RAP1A: variants seen among roughly 807,000 people sequenced by gnomAD.
The protein encoded by RAP1A is ras-related protein Rap-1A.
A neutral mutation model predicts 26.4 loss-of-function variants in RAP1A; 6 were observed. The ratio of observed to expected loss-of-function variants is 0.23; its 90% CI spans 0.12 to 0.45. RAP1A has a LOEUF of 0.45. Ranked by LOEUF, RAP1A falls within the 20% of genes least tolerant of loss-of-function variation. The pLI, the probability that RAP1A is intolerant of heterozygous loss-of-function variation, is 0.99. For missense variants in RAP1A, 121 were observed against 217.2 expected, an observed-to-expected ratio of 0.56 and a Z score of 2.78; for synonymous variants, 73 against 79.4, an observed-to-expected ratio of 0.92 and a Z score of 0.43.
At chr1:111,639,047 T>C (rs1229503491) in intron 1 of RAP1A, among the ~76,000 whole-genome samples, 8 of 151,682 alleles carry the variant, frequency 5.3e-5, no homozygotes, top group Admixed American at 5.3e-4. Flanking sequence ...AACATTTCTG[T>C]CAAATATGCC....
At chr1:111,701,192 CTCA>C (rs1345127903) in intron 4 of RAP1A, among the ~76,000 whole-genome samples, 1 of 152,156 alleles carries the variant, frequency 6.6e-6, no homozygotes, top group Non-Finnish European at 1.5e-5. Flanking sequence ...CACTGCTATA[CTCA>C]CCCACTAGGT....
chr1:111,627,766 G>T, intron 1 of RAP1A, among the ~76,000 whole-genome samples: 1 of 151,134 alleles, frequency 6.6e-6, no homozygotes, highest in African/African-American at 2.4e-5. Context: ...GATTAAAGTT[G>T]GAATTTCAGC....
At chr1:111,707,194 C>T (rs762523906) in intron 6 of RAP1A, among the ~76,000 whole-genome samples, 6 of 151,886 alleles carry the variant, frequency 4.0e-5, no homozygotes, top group Non-Finnish European at 7.4e-5. Flanking sequence ...AAATGAGTCA[C>T]TTTTGTAGCT....
intron 1 of RAP1A, among the ~76,000 whole-genome samples, chr1:111,555,429 G>A (rs376638518): frequency 0.014 from 1,517 of 106,328 alleles, 24 homozygotes; most frequent in African/African-American, 0.055. Context: ...AATAGTTCCA[G>A]AAAAAAAATT....
intron 1 of RAP1A, among the ~76,000 whole-genome samples, chr1:111,555,502 A>G (rs1020611562): frequency 3.3e-5 from 5 of 152,084 alleles, no homozygotes; most frequent in African/African-American, 1.2e-4. Context: ...CACCCAGAAG[A>G]ATTAGTAAAT....
intron 1 of RAP1A, among the ~76,000 whole-genome samples, chr1:111,545,437 G>GT (rs1657001045): frequency 2.0e-5 from 3 of 151,982 alleles, no homozygotes; most frequent in Admixed American, 6.6e-5. Context: ...AGAAATATCT[G>GT]TTCGAGTCCT....
Position 111,608,652 on chromosome 1 carries a change from A to C in RAP1A, c.-28+66143A>C, listed in dbSNP as rs943346439. The C allele has an allele frequency of 6.6e-5, 11 of 167,556 alleles. No homozygotes were observed. The South Asian group carries it at 1.1e-3, about 16-fold the overall frequency. The allele number at this position is 167,556 out of a possible 1,614,324, so 10.4% of individuals were successfully genotyped here. On this transcript the variant is annotated intron_variant, in intron 1 of 7. Transcript: ENST00000356415. ...ACCAGACTCCGTCTGCAATCCCCGC[A>C]CCCCGGGAGGCCGAGGCTGGCGGAT...
chr1:111,606,549 C>T (rs1658783271), intron 1 of RAP1A, among the ~76,000 whole-genome samples: 1 of 152,204 alleles, frequency 6.6e-6, no homozygotes, highest in South Asian at 2.1e-4. Flanking sequence ...AGTAGTACCA[C>T]ATCATTTCAT....
intron 1 of RAP1A, among the ~76,000 whole-genome samples, chr1:111,679,837 C>T (rs1661239274): frequency 6.6e-6 from 1 of 152,166 alleles, no homozygotes; most frequent in African/African-American, 2.4e-5. Context: ...GACTGCCTCT[C>T]TAGATTATTC....
At chr1:111,554,953 C>T (rs1657420032) in intron 1 of RAP1A, among the ~76,000 whole-genome samples, 1 of 151,762 alleles carries the variant, frequency 6.6e-6, no homozygotes, top group South Asian at 2.1e-4. Flanking sequence ...GAAAAAGTGA[C>T]CTACCGAGAC....
intron 1 of RAP1A, among the ~76,000 whole-genome samples, chr1:111,566,495 G>A (rs2101052748): frequency 6.6e-6 from 1 of 152,296 alleles, no homozygotes; most frequent in East Asian, 1.9e-4. Flanking sequence ...AAGGGATGCG[G>A]GGTGTGAGGG....
intron 1 of RAP1A, among the ~76,000 whole-genome samples, chr1:111,583,362 G>C (rs1478441532): frequency 6.6e-6 from 1 of 151,556 alleles, no homozygotes; most frequent in East Asian, 1.9e-4. Flanking sequence ...CCCAGTGGCT[G>C]GGAAAGCTGA....
chr1:111,650,890 C>T (rs897555313), intron 1 of RAP1A, among the ~76,000 whole-genome samples: 1 of 152,074 alleles, frequency 6.6e-6, no homozygotes, highest in Non-Finnish European at 1.5e-5. Flanking sequence ...CAACCTCCGC[C>T]TCCCAGGTTC....
At chr1:111,608,161 G>C (rs1214369176) in intron 1 of RAP1A, 2 of 175,594 alleles carry the variant, frequency 1.1e-5, no homozygotes, top group Non-Finnish European at 2.4e-5. Flanking sequence ...GCTGCGAGGC[G>C]GAGGGTCTCC....
At chr1:111,667,682 C>CAA (rs58742031) in intron 1 of RAP1A, among the ~76,000 whole-genome samples, 128 of 117,896 alleles carry the variant, frequency 1.1e-3, no homozygotes, top group Non-Finnish European at 1.7e-3. Context: ...GACTCCGTCT[C>CAA]AAAAAAAAAA....
chr1:111,661,353 T>G (rs563797619), intron 1 of RAP1A, among the ~76,000 whole-genome samples: 112 of 152,310 alleles, frequency 7.4e-4, no homozygotes, highest in Admixed American at 3.5e-3. Context: ...GGAGATCAGA[T>G]GAGAGGCTAT....
At chr1:111,635,685 C>T (rs1659707074) in intron 1 of RAP1A, among the ~76,000 whole-genome samples, 1 of 152,156 alleles carries the variant, frequency 6.6e-6, no homozygotes, top group South Asian at 2.1e-4. Flanking sequence ...CATGCCTCAG[C>T]CTCCCAGGTA....
chr1:111,595,621 T>A (rs1250142493), intron 1 of RAP1A, among the ~76,000 whole-genome samples: 1 of 152,222 alleles, frequency 6.6e-6, no homozygotes, highest in Non-Finnish European at 1.5e-5. Flanking sequence ...TCTGACATCT[T>A]TATTTTGGGC....
intron 2 of RAP1A, 127 bp from the exon 3 acceptor site, chr1:111,695,214 C>A (rs1571568175): frequency 4.0e-6 from 2 of 498,188 alleles, no homozygotes; most frequent in South Asian, 2.4e-5. Context: ...TAATAATATA[C>A]TTTACATTTA....
Sources: gnomAD v4.1 joint callset for allele counts (sites outside exome capture counted in the v4.1 genomes callset) on GRCh38, gnomAD v4.1.1 for gene constraint, MANE v1.5 for transcripts, NCBI Gene and HGNC (gene_info 2026-07-23, HGNC 2026-07-21) for gene names.